DIAPH2: variants seen among roughly 807,000 people sequenced by gnomAD.
DIAPH2 encodes diaphanous related formin 2, also known as protein diaphanous homolog 2.
DIAPH2 carries 35 observed loss-of-function variants against 92.7 expected under a neutral mutation model. The ratio of observed to expected loss-of-function variants is 0.38; its 90% CI spans 0.29 to 0.50. DIAPH2 has a LOEUF of 0.50. Ranked by LOEUF, DIAPH2 falls within the 20% of genes least tolerant of loss-of-function variation. The pLI, the probability that DIAPH2 is intolerant of heterozygous loss-of-function variation, is 0.94. For synonymous variants in DIAPH2, 301 were observed against 280.4 expected, an observed-to-expected ratio of 1.07 and a Z score of -0.73; for missense variants, 701 against 819.5, an observed-to-expected ratio of 0.86 and a Z score of 1.77.
chrX:97,223,988 C>T (rs777393384), intron 22 of DIAPH2, among the ~76,000 whole-genome samples: 1 of 111,630 alleles, frequency 9.0e-6, no homozygotes, highest in South Asian at 3.7e-4. Context: ...AAAAAGCAAC[C>T]ATTTCCTGAC....
intron 26 of DIAPH2, among the ~76,000 whole-genome samples, chrX:97,524,068 A>C (rs931185468): frequency 9.0e-6 from 1 of 111,323 alleles, no homozygotes; most frequent in Non-Finnish European, 1.9e-5. Flanking sequence ...TTTGCTCCTT[A>C]CCATACTTTG....
intron 5 of DIAPH2, among the ~76,000 whole-genome samples, chrX:96,909,823 G>C (rs1423041221): frequency 9.0e-6 from 1 of 110,833 alleles, no homozygotes; most frequent in Non-Finnish European, 1.9e-5. Context: ...TGCATCATTT[G>C]AAACAGGGGA....
intron 3 of DIAPH2, among the ~76,000 whole-genome samples, chrX:96,739,295 A>G (rs1262293632): frequency 8.9e-6 from 1 of 112,132 alleles, no homozygotes. Flanking sequence ...CCTATATTAG[A>G]TAATGAATAC....
intron 23 of DIAPH2, among the ~76,000 whole-genome samples, chrX:97,251,330 T>G (rs2068186827): frequency 9.0e-6 from 1 of 111,047 alleles, no homozygotes; most frequent in Non-Finnish European, 1.9e-5. Context: ...CTAATGGTAA[T>G]AAGCTGGGGG....
chrX:97,275,248 C>T (rs1338195438), intron 23 of DIAPH2, among the ~76,000 whole-genome samples: 3 of 101,679 alleles, frequency 3.0e-5, no homozygotes, highest in South Asian at 4.8e-4. Flanking sequence ...ACCTCCCAGA[C>T]GGGGCGGCTG....
intron 4 of DIAPH2, among the ~76,000 whole-genome samples, chrX:96,830,598 TG>T (rs2064847774): frequency 3.9e-5 from 2 of 51,052 alleles, no homozygotes; most frequent in Non-Finnish European, 8.0e-5. Context: ...AAAAAAAAAA[TG>T]AGCAAATGAA....
chrX:97,162,042 A>G (rs1380023035), intron 22 of DIAPH2, among the ~76,000 whole-genome samples: 1 of 111,037 alleles, frequency 9.0e-6, no homozygotes, highest in Non-Finnish European at 1.9e-5. Context: ...TGCTTTTTAT[A>G]TGACTTCTTA....
rs1330864319 is a variant in DIAPH2, at chrX:96,882,944, G to A, written c.587+1226G>A. Among the ~76,000 whole-genome samples, 4 of 76,730 alleles carry A rather than the reference G, an allele frequency of 5.2e-5. No homozygotes were observed. The Admixed American group carries it at 7.7e-4, about 15-fold the overall frequency. The allele number at this position is 76,730 out of a possible 115,157, so 66.6% of individuals were successfully genotyped here. A position where few individuals can be genotyped will look rare whatever the true frequency, so the allele number is the denominator to read the frequency against. Reference sequence around the variant, plus strand: ...ACTGCACTCCAACCTGGGAGACAGAGCGAGACCCTGTCTCCAAAAAAAAAA... The same window carrying A: ...ACTGCACTCCAACCTGGGAGACAGAACGAGACCCTGTCTCCAAAAAAAAAA... On this transcript the variant is annotated intron_variant, in intron 5 of 26. Coordinates refer to ENST00000324765, the MANE Select transcript of DIAPH2 (RefSeq NM_006729.5).
rs1160423257 is a variant in DIAPH2 at position 97,603,148 on chromosome X, T to TC, written c.*3831_*3832insC. On this transcript the variant is annotated 3_prime_UTR_variant, in exon 27 of 27. Transcript: ENST00000324765. ...GTGAATCTCCTAATTTTAGCATCTT[T>TC]TTTTTTTTTTACAATCATTCAGATT... The TC allele has an allele frequency of 5.8e-5, 1 of 17,246 alleles. No homozygotes were observed. Among genetic ancestry groups the TC allele is most frequent in the East Asian group, 0.071 (1 of 14 alleles). The allele number at this position is 17,246 out of a possible 1,213,427, so 1.4% of individuals were successfully genotyped here. A position where few individuals can be genotyped will look rare whatever the true frequency, so the allele number is the denominator to read the frequency against.
chrX:97,187,472 C>G (rs1372109787), intron 22 of DIAPH2, among the ~76,000 whole-genome samples: 1 of 107,458 alleles, frequency 9.3e-6, no homozygotes, highest in Admixed American at 1.0e-4. Flanking sequence ...GACAAGGTTT[C>G]ACCATGTTTG....
chrX:97,178,893 C>A (rs1281125363), intron 22 of DIAPH2, among the ~76,000 whole-genome samples: 1 of 110,984 alleles, frequency 9.0e-6, no homozygotes, highest in Non-Finnish European at 1.9e-5. Flanking sequence ...CATGTGAGGA[C>A]ACAGATTTCA....
intron 17 of DIAPH2, among the ~76,000 whole-genome samples, chrX:97,003,615 G>A (rs775250971): frequency 8.0e-5 from 9 of 111,951 alleles, no homozygotes; most frequent in African/African-American, 2.3e-4. Context: ...TTTGAGAAAC[G>A]TCTATCCAGA....
At chrX:96,694,226 G>A (rs1314458832) in intron 1 of DIAPH2, among the ~76,000 whole-genome samples, 2 of 111,849 alleles carry the variant, frequency 1.8e-5, no homozygotes, top group South Asian at 3.7e-4. Flanking sequence ...GTTGAGTTCT[G>A]TTATAGCTAA....
At chrX:97,110,919 G>T (rs1313679552) in intron 20 of DIAPH2, among the ~76,000 whole-genome samples, 2 of 109,799 alleles carry the variant, frequency 1.8e-5, no homozygotes, top group Non-Finnish European at 3.8e-5. Context: ...GGAGACAGAG[G>T]TTGCAGTGAG....
At chrX:96,813,174 C>G (rs2064700161) in intron 4 of DIAPH2, among the ~76,000 whole-genome samples, 1 of 111,263 alleles carries the variant, frequency 9.0e-6, no homozygotes, top group African/African-American at 3.3e-5. Flanking sequence ...TTGTAAGTCT[C>G]TGAGGACTAG....
intron 26 of DIAPH2, among the ~76,000 whole-genome samples, chrX:97,514,485 C>T (rs1387970773): frequency 1.4e-4 from 16 of 113,002 alleles, no homozygotes; most frequent in African/African-American, 4.5e-4. Context: ...GTAATTTGAT[C>T]GTCTGAAGCC....
chrX:97,526,268 C>T (rs779549137), intron 26 of DIAPH2, among the ~76,000 whole-genome samples: 11 of 111,364 alleles, frequency 9.9e-5, no homozygotes, highest in Non-Finnish European at 1.9e-4. Flanking sequence ...TTGAAACAGG[C>T]ATGCAAAGAT....
intron 17 of DIAPH2, among the ~76,000 whole-genome samples, chrX:97,072,607 A>G (rs2066676591): frequency 8.9e-6 from 1 of 112,150 alleles, no homozygotes; most frequent in East Asian, 2.8e-4. Context: ...CAATTAGTTC[A>G]GATTAGTGAG....
At chrX:96,943,954 A>T (rs987647766) in intron 13 of DIAPH2, among the ~76,000 whole-genome samples, 7 of 111,703 alleles carry the variant, frequency 6.3e-5, no homozygotes, top group African/African-American at 2.3e-4. Context: ...AAATTGAATA[A>T]GTCACATATA....
Sources: allele counts gnomAD v4.1 joint callset (sites outside exome capture counted in the v4.1 genomes callset), GRCh38; gene constraint gnomAD v4.1.1; transcripts MANE v1.5; gene names NCBI Gene and HGNC (gene_info 2026-07-23, HGNC 2026-07-21).